The following ELAVL2 variants were observed in gnomAD, a reference collection of about 807,000 sequenced individuals.
The protein encoded by ELAVL2 is ELAV-like protein 2.
Under a neutral mutation model 34.6 loss-of-function variants are expected in ELAVL2, and 4 were observed. That is an observed-to-expected ratio of 0.12 (90% confidence interval 0.06 to 0.26). The LOEUF (loss-of-function observed/expected upper bound fraction) is 0.26. Among genes scored for constraint, ELAVL2 ranks in the 10% least tolerant of loss-of-function variants. ELAVL2 has a pLI of 1.00. For synonymous variants in ELAVL2, 193 were observed against 154.8 expected, an observed-to-expected ratio of 1.25 and a Z score of -1.83; for missense variants, 432 against 442.8, an observed-to-expected ratio of 0.98 and a Z score of 0.22.
intron 3 of ELAVL2, among the ~76,000 whole-genome samples, chr9:23,720,392 G>A (rs558535848): frequency 2.0e-5 from 3 of 150,084 alleles, no homozygotes; most frequent in African/African-American, 4.9e-5. Context: ...CGGCCAAGCT[G>A]ATCCTGAACT....
chr9:23,738,442 G>C (rs2048391726), intron 2 of ELAVL2, among the ~76,000 whole-genome samples: 1 of 152,162 alleles, frequency 6.6e-6, no homozygotes, highest in South Asian at 2.1e-4. Context: ...ATCAAATTGT[G>C]AGATGGAGGA....
chr9:23,744,054 C>A (rs2049922081), intron 2 of ELAVL2, among the ~76,000 whole-genome samples: 1 of 152,166 alleles, frequency 6.6e-6, no homozygotes, highest in African/African-American at 2.4e-5. Context: ...CTTATTACCA[C>A]AAAGGGGTCC....
rs776361348 is a variant in ELAVL2, at chr9:23,692,787, C to G, written c.850G>C (p.Ala284Pro). 1.4e-5 allele frequency: 23 copies of G among 1,614,024 alleles called. No homozygotes were observed. The highest frequency in any genetic ancestry group is 1.8e-5 in the Non-Finnish European group (21 of 1,180,020). The change falls in exon 7 of 7, where the codon GCT becomes CCT. Residue 284 changes from alanine to proline, a missense_variant. Transcript: ENST00000397312. ...TGWCIFVYNL[A>P]PDADESILWQ... is the part of the protein sequence containing the mutation. ...AGGATACTCTCATCTGCGTCAGGAG[C>G]CAGGTTGTACACAAATATACACCAC...
At chr9:23,830,243 C>G (rs1012768143), upstream of ELAVL2, 2 of 152,300 alleles carry the variant, frequency 1.3e-5, no homozygotes, top group East Asian at 1.9e-4. Context: ...CCCTCCACCC[C>G]CTAGCAAAGG....
At chr9:23,727,314 T>G (rs2045466609) in intron 3 of ELAVL2, among the ~76,000 whole-genome samples, 2 of 152,148 alleles carry the variant, frequency 1.3e-5, no homozygotes, top group African/African-American at 4.8e-5. Context: ...CATCCTACTA[T>G]GAGACGGATA....
chr9:23,694,958 T>C (rs1374679486), intron 5 of ELAVL2, among the ~76,000 whole-genome samples: 1 of 152,130 alleles, frequency 6.6e-6, no homozygotes, highest in South Asian at 2.1e-4. Flanking sequence ...TTATAATAAA[T>C]ATGTGATGAC....
intron 1 of ELAVL2, among the ~76,000 whole-genome samples, chr9:23,773,561 A>G (rs1372961959): frequency 1.3e-5 from 2 of 152,210 alleles, no homozygotes; most frequent in Non-Finnish European, 2.9e-5. Context: ...GCATATATGT[A>G]TATGTATAAC....
At chr9:23,806,631 AT>A (rs1412089686) in intron 1 of ELAVL2, among the ~76,000 whole-genome samples, 2 of 152,134 alleles carry the variant, frequency 1.3e-5, no homozygotes, top group Admixed American at 6.5e-5. Context: ...AAAAAAAAAA[AT>A]CAGTAATAAG....
At chr9:23,720,179 CT>C (rs139066116) in intron 3 of ELAVL2, among the ~76,000 whole-genome samples, 34 of 147,034 alleles carry the variant, frequency 2.3e-4, no homozygotes, top group African/African-American at 5.2e-4. Context: ...ACCCTTTCAC[CT>C]TTTTTTTTTG....
intron 3 of ELAVL2, among the ~76,000 whole-genome samples, chr9:23,721,348 T>G (rs2043663048): frequency 6.6e-6 from 1 of 152,214 alleles, no homozygotes; most frequent in African/African-American, 2.4e-5. Context: ...AATATGGTTA[T>G]TTGGTTAAGG....
intron 1 of ELAVL2, among the ~76,000 whole-genome samples, chr9:23,784,652 T>C (rs1160533950): frequency 6.6e-6 from 1 of 152,242 alleles, no homozygotes; most frequent in Non-Finnish European, 1.5e-5. Flanking sequence ...GAAACCCATC[T>C]ATCCTCAACC....
At chr9:23,802,440 C>T (rs968660689) in intron 1 of ELAVL2, among the ~76,000 whole-genome samples, 1 of 152,182 alleles carries the variant, frequency 6.6e-6, no homozygotes, top group African/African-American at 2.4e-5. Flanking sequence ...AAGTTTTCAA[C>T]TCCTGAAGAC....
intron 2 of ELAVL2, among the ~76,000 whole-genome samples, chr9:23,733,931 G>T (rs1039035395): frequency 2.6e-5 from 4 of 152,038 alleles, no homozygotes; most frequent in African/African-American, 9.7e-5. Flanking sequence ...CAAATATCTA[G>T]TATCTGTTAA....
At chr9:23,699,221 G>A (rs2036303361) in intron 5 of ELAVL2, among the ~76,000 whole-genome samples, 1 of 152,164 alleles carries the variant, frequency 6.6e-6, no homozygotes, top group Non-Finnish European at 1.5e-5. Context: ...AGAGCCTGCA[G>A]GGATGGAGGC....
chr9:23,710,953 C>T (rs1377128053), intron 3 of ELAVL2, among the ~76,000 whole-genome samples: 2 of 152,102 alleles, frequency 1.3e-5, no homozygotes, highest in African/African-American at 4.8e-5. Flanking sequence ...CCTCAAAATT[C>T]ACCCAAAAGG....
chr9:23,798,989 T>A lies in ELAVL2; in HGVS notation c.-16+26817A>T, dbSNP rs150978737. On this transcript the variant is annotated intron_variant, in intron 1 of 6. Coordinates refer to ENST00000397312, the MANE Select transcript of ELAVL2 (RefSeq NM_004432.5). ...AACTTGATCATTTTCTTCCTTGATA[T>A]GTGTACAAAATTTTCTCCCAGGTGG... Among the ~76,000 whole-genome samples, 36 of 152,340 alleles carry A rather than the reference T, an allele frequency of 2.4e-4. No individual in the cohort carries two copies. In the East Asian group the frequency reaches 6.4e-3, roughly 27 times the overall value.
At chr9:23,697,337 C>G (rs553841545) in intron 5 of ELAVL2, among the ~76,000 whole-genome samples, 1 of 152,232 alleles carries the variant, frequency 6.6e-6, no homozygotes, top group South Asian at 2.1e-4. Flanking sequence ...ACAAGATAAT[C>G]CAACATGCAT....
At chr9:23,779,682 G>T (rs147199558) in intron 1 of ELAVL2, among the ~76,000 whole-genome samples, 2,954 of 151,934 alleles carry the variant, frequency 0.019, 40 homozygotes, top group Middle Eastern at 0.031. Context: ...TGAACAAAGA[G>T]GAGGAGACAC....
intron 2 of ELAVL2, among the ~76,000 whole-genome samples, chr9:23,739,481 T>C (rs1332719340): frequency 6.6e-6 from 1 of 152,184 alleles, no homozygotes; most frequent in Non-Finnish European, 1.5e-5. Flanking sequence ...AGTTTGGGTA[T>C]GCTGCAACTT....
Sources: gnomAD v4.1 joint callset for allele counts (sites outside exome capture counted in the v4.1 genomes callset) on GRCh38, gnomAD v4.1.1 for gene constraint, MANE v1.5 for transcripts, NCBI Gene and HGNC (gene_info 2026-07-23, HGNC 2026-07-21) for gene names.